Variants in CHD9 observed in about 807,000 individuals in gnomAD.
CHD9 encodes the protein ATP-dependent chromatin remodeler CHD9.
A neutral mutation model predicts 316.1 loss-of-function variants in CHD9; 77 were observed. The observed-to-expected ratio is 0.24, with a 90% confidence interval of 0.20 to 0.29. CHD9 has a LOEUF of 0.29. Ranked by LOEUF, CHD9 falls within the 10% of genes least tolerant of loss-of-function variation. The pLI is 1.00. For synonymous variants in CHD9, 1,129 were observed against 1,158.3 expected, an observed-to-expected ratio of 0.97 and a Z score of 0.51; for missense variants, 2,763 against 3,438.1, an observed-to-expected ratio of 0.80 and a Z score of 4.91.
rs34149076 is a variant in CHD9 at position 53,261,220 on chromosome 16, A to G, written c.4210-1767A>G. Among the ~76,000 whole-genome samples the G allele has an allele frequency of 4.5e-3, 678 of 152,008 alleles. 5 individuals are homozygous for G. Among genetic ancestry groups the G allele is most frequent in the African/African-American group, 0.015 (617 of 41,476 alleles). On this transcript the variant is annotated intron_variant, in intron 19 of 38. Transcript: ENST00000447540. ...GTATTTAACATTTGCTTTATTTTAT[A>G]TAAGCATCTTAAAAGCCAAACCTCA...
At position 53,146,419 on chromosome 16, in the gene CHD9, G is replaced by GTATGTATA. The variant is rs59577921; in HGVS notation, c.-164-9504_-164-9503insGTATATAT. Among the ~76,000 whole-genome samples the GTATGTATA allele has an allele frequency of 2.7e-4, 21 of 76,704 alleles. 2 individuals carry two copies. The highest frequency in any genetic ancestry group is 3.5e-4 in the Admixed American group (2 of 5,648). The allele number at this position is 76,704 out of a possible 152,430, so 50.3% of individuals were successfully genotyped here. On this transcript the variant is annotated intron_variant, in intron 1 of 38. Coordinates refer to ENST00000447540, the MANE Select transcript of CHD9 (RefSeq NM_001308319.2). Reference sequence around the variant, plus strand: ...AAAAAAAAATTGTGTGTGTGTGTATGTATATATATATATATATAATTAAAA... The same window carrying GTATGTATA: ...AAAAAAAAATTGTGTGTGTGTGTATGTATGTATATATATATATATATATATAATTAAAA...
intron 35 of CHD9, 110 bp from the exon 36 acceptor site, chr16:53,314,713 G>C: frequency 9.2e-7 from 1 of 1,084,526 alleles, no homozygotes; most frequent in Non-Finnish European, 1.3e-6. Flanking sequence ...AGATTTAGCA[G>C]AATTTTTAGC....
chr16:53,146,501 A>G (rs1261420870), intron 1 of CHD9, among the ~76,000 whole-genome samples: 1 of 147,524 alleles, frequency 6.8e-6, no homozygotes, highest in Non-Finnish European at 1.5e-5. Context: ...CGAACTGTAT[A>G]CTTAAAAATG....
In CHD9 at chr16:53,293,833, A is replaced by G. The variant is rs902176676; in HGVS notation, c.5510+781A>G. 2.0e-5 allele frequency among the ~76,000 whole-genome samples: 3 copies of G among 152,172 alleles called. No individual in the cohort carries two copies. The East Asian group carries it at 5.8e-4, about 29-fold the overall frequency. ...AGGTGTGGTACGCACCTTTAATCCCAGCTACTTGGGAGGCTGAGGCATGAG... is the reference window on the plus strand; with the variant it reads ...AGGTGTGGTACGCACCTTTAATCCCGGCTACTTGGGAGGCTGAGGCATGAG... On this transcript the variant is annotated intron_variant, in intron 29 of 38. Coordinates refer to ENST00000447540, the MANE Select transcript of CHD9 (RefSeq NM_001308319.2).
intron 2 of CHD9, among the ~76,000 whole-genome samples, chr16:53,167,870 A>T (rs1386355978): frequency 6.6e-6 from 1 of 151,832 alleles, no homozygotes; most frequent in Non-Finnish European, 1.5e-5. Context: ...GATTTTTGTT[A>T]AAAAAAGGGT....
At position 53,055,469 on chromosome 16, in the gene CHD9, A is replaced by T. The variant is rs569355568; in HGVS notation, c.-165+392A>T. Among the ~76,000 whole-genome samples the T allele has an allele frequency of 6.7e-5, 10 of 149,526 alleles. 1 individual carries two copies. In the South Asian group the frequency reaches 2.1e-3, roughly 31 times the overall value. On this transcript the variant is annotated intron_variant, in intron 1 of 38. Transcript: ENST00000447540. ...GCGTTGCTTGGGAAGCATTAAAAAA[A>T]TACCGATGCCCTAGTTCCACCCCCG...
At chr16:53,260,192 A>G (rs1212549655) in intron 19 of CHD9, among the ~76,000 whole-genome samples, 1 of 152,194 alleles carries the variant, frequency 6.6e-6, no homozygotes, top group Non-Finnish European at 1.5e-5. Flanking sequence ...CAAGTTGGAT[A>G]TGAAGGTCAG....
chr16:53,299,971 T>G (rs2055200971), intron 30 of CHD9, among the ~76,000 whole-genome samples: 1 of 152,200 alleles, frequency 6.6e-6, no homozygotes, highest in African/African-American at 2.4e-5. Context: ...TACATTTACT[T>G]TAGCTTAAAA....
At chr16:53,059,943 A>T (rs1387748765) in intron 1 of CHD9, among the ~76,000 whole-genome samples, 1 of 152,246 alleles carries the variant, frequency 6.6e-6, no homozygotes, top group Admixed American at 6.5e-5. Flanking sequence ...ACAAATGAGT[A>T]TATCTGGGTT....
At chr16:53,100,634 T>G (rs2036787803) in intron 1 of CHD9, among the ~76,000 whole-genome samples, 1 of 152,082 alleles carries the variant, frequency 6.6e-6, no homozygotes, top group African/African-American at 2.4e-5. Flanking sequence ...AATTTTTTAA[T>G]TTTTTTGTAG....
intron 20 of CHD9, 72 bp from the exon 21 acceptor site, chr16:53,267,222 G>A (rs2051784928): frequency 2.1e-6 from 2 of 949,824 alleles, no homozygotes; most frequent in Admixed American, 3.4e-5. Context: ...TTTGTATAAG[G>A]TAAAAATGTA....
At chr16:53,186,146 A>T (rs2043984228) in intron 2 of CHD9, among the ~76,000 whole-genome samples, 1 of 152,156 alleles carries the variant, frequency 6.6e-6, no homozygotes, top group Admixed American at 6.5e-5. Context: ...AGCTGCAGAC[A>T]CTCAACAGCA....
intron 2 of CHD9, among the ~76,000 whole-genome samples, chr16:53,177,399 T>C (rs1186540615): frequency 2.0e-5 from 3 of 152,182 alleles, no homozygotes; most frequent in African/African-American, 4.8e-5. Context: ...CGTCTGGATC[T>C]GAAAGGGAAA....
intron 1 of CHD9, among the ~76,000 whole-genome samples, chr16:53,082,951 G>C (rs1054385348): frequency 6.6e-6 from 1 of 152,258 alleles, no homozygotes; most frequent in Non-Finnish European, 1.5e-5. Flanking sequence ...CCCATCAGTC[G>C]TCTGCCTCCC....
At chr16:53,193,022 T>C (rs1297272434) in intron 2 of CHD9, among the ~76,000 whole-genome samples, 1 of 142,082 alleles carries the variant, frequency 7.0e-6, no homozygotes, top group Admixed American at 6.9e-5. Context: ...ATATGTTGAG[T>C]GTATGTTGAA....
intron 22 of CHD9, among the ~76,000 whole-genome samples, chr16:53,272,003 A>C (rs1481012444): frequency 2.0e-5 from 3 of 152,216 alleles, no homozygotes; most frequent in South Asian, 2.1e-4. Flanking sequence ...TAAAATTGTA[A>C]AACTAAATAT....
chr16:53,110,057 C>G (rs1439093876), intron 1 of CHD9, among the ~76,000 whole-genome samples: 1 of 152,038 alleles, frequency 6.6e-6, no homozygotes, highest in Non-Finnish European at 1.5e-5. Context: ...GATAATAATC[C>G]CAGGAGCCGA....
chr16:53,280,507 T>C (rs949047580), intron 24 of CHD9, among the ~76,000 whole-genome samples: 2 of 151,238 alleles, frequency 1.3e-5, no homozygotes, highest in Non-Finnish European at 3.0e-5. Context: ...CAGTACACTA[T>C]GGGGACTCAG....
intron 3 of CHD9, among the ~76,000 whole-genome samples, chr16:53,215,059 C>T (rs1167762264): frequency 6.6e-6 from 1 of 152,002 alleles, no homozygotes; most frequent in African/African-American, 2.4e-5. Context: ...ACTACAGGTG[C>T]CCGCCACCAC....
Sources: allele counts gnomAD v4.1 joint callset (sites outside exome capture counted in the v4.1 genomes callset), GRCh38; gene constraint gnomAD v4.1.1; transcripts MANE v1.5; gene names NCBI Gene and HGNC (gene_info 2026-07-23, HGNC 2026-07-21).